Variants in DLC1 observed in about 807,000 individuals in gnomAD.
DLC1 encodes rho GTPase-activating protein 7.
A neutral mutation model predicts 140.3 loss-of-function variants in DLC1; 54 were observed. The ratio of observed to expected loss-of-function variants is 0.38; its 90% CI spans 0.31 to 0.48. DLC1 has a LOEUF of 0.48. Among genes scored for constraint, DLC1 ranks in the 20% least tolerant of loss-of-function variants. The probability of loss-of-function intolerance (pLI) is 0.96; values close to 1 mark genes in which losing one functional copy is unlikely to be tolerated. For synonymous variants in DLC1, 986 were observed against 728.1 expected, an observed-to-expected ratio of 1.35 and a Z score of -5.70; for missense variants, 2,536 against 1,907.0, an observed-to-expected ratio of 1.33 and a Z score of -6.14.
At chr8:13,427,342 C>T (rs956003830) in intron 2 of DLC1, among the ~76,000 whole-genome samples, 1 of 152,146 alleles carries the variant, frequency 6.6e-6, no homozygotes, top group Non-Finnish European at 1.5e-5. Context: ...TGGATGTCTC[C>T]AGGACAGCAG....
At chr8:13,118,765 C>T (rs768821293) in intron 5 of DLC1, among the ~76,000 whole-genome samples, 7 of 151,934 alleles carry the variant, frequency 4.6e-5, no homozygotes, top group Non-Finnish European at 7.4e-5. Context: ...TTTCATTCCC[C>T]GATTCACACC....
rs114610267 is a variant in DLC1 at position 13,434,550 on chromosome 8, T to C, written c.1024-32931A>G. ...AAAGCAAGAGGCACAAAGAAGGATT[T>C]GGCTGGGGACCTAGGTTAAGTGTTG... is the stretch of plus-strand genomic sequence containing the variant. On this transcript the variant is annotated intron_variant, in intron 2 of 17. Transcript: ENST00000276297. Among the ~76,000 whole-genome samples the C allele has an allele frequency of 7.1e-3, 1,088 of 152,272 alleles. 16 individuals are homozygous for C. Among genetic ancestry groups the C allele is most frequent in the African/African-American group, 0.025 (1,021 of 41,546 alleles).
At chr8:13,504,772 T>A (rs1801978472) in intron 1 of DLC1, among the ~76,000 whole-genome samples, 1 of 152,168 alleles carries the variant, frequency 6.6e-6, no homozygotes, top group Non-Finnish European at 1.5e-5. Context: ...TGAAAAGTCT[T>A]ACTTTTTTTT....
At chr8:13,231,802 C>T (rs1364048097) in intron 5 of DLC1, among the ~76,000 whole-genome samples, 1 of 152,200 alleles carries the variant, frequency 6.6e-6, no homozygotes, top group Non-Finnish European at 1.5e-5. Flanking sequence ...TCCTTTTAAA[C>T]AATCTTTAAA....
At chr8:13,564,558 T>C (rs1361092966) in intron 1 of DLC1, among the ~76,000 whole-genome samples, 1 of 152,212 alleles carries the variant, frequency 6.6e-6, no homozygotes, top group Non-Finnish European at 1.5e-5. Context: ...AAGAGGTACC[T>C]GCCAAATGCC....
At chr8:13,216,027 T>C (rs1027744367) in intron 5 of DLC1, among the ~76,000 whole-genome samples, 13 of 152,106 alleles carry the variant, frequency 8.5e-5, no homozygotes, top group Non-Finnish European at 1.8e-4. Context: ...TCTCTCGCAG[T>C]TCCCATCTTT....
chr8:13,137,057 C>T (rs1373120160), intron 5 of DLC1, among the ~76,000 whole-genome samples: 1 of 152,184 alleles, frequency 6.6e-6, no homozygotes, highest in Non-Finnish European at 1.5e-5. Context: ...TTTAAATCAT[C>T]ATCCAAGAGA....
At chr8:13,449,355 C>T (rs1490813476) in intron 2 of DLC1, among the ~76,000 whole-genome samples, 1 of 152,066 alleles carries the variant, frequency 6.6e-6, no homozygotes, top group Non-Finnish European at 1.5e-5. Flanking sequence ...AAGTGTGGGG[C>T]AATATTTCCC....
intron 2 of DLC1, among the ~76,000 whole-genome samples, chr8:13,466,910 A>G (rs1585157428): frequency 6.6e-6 from 1 of 151,494 alleles, no homozygotes; most frequent in East Asian, 2.0e-4. Context: ...AATACATCAA[A>G]TGTCAGAGTC....
At chr8:13,313,511 G>C (rs987443741) in intron 4 of DLC1, among the ~76,000 whole-genome samples, 1 of 152,086 alleles carries the variant, frequency 6.6e-6, no homozygotes, top group African/African-American at 2.4e-5. Context: ...CTACATCCTG[G>C]GGCTATTTGT....
chr8:13,575,617 A>G (rs1804811748), intron 1 of DLC1, among the ~76,000 whole-genome samples: 1 of 152,148 alleles, frequency 6.6e-6, no homozygotes, highest in Non-Finnish European at 1.5e-5. Flanking sequence ...CCTAATTTTT[A>G]TTACAATTTA....
intron 5 of DLC1, among the ~76,000 whole-genome samples, chr8:13,194,121 G>C (rs955083088): frequency 7.2e-5 from 11 of 152,168 alleles, no homozygotes; most frequent in Admixed American, 7.2e-4. Flanking sequence ...ACAGAGAAAT[G>C]AGCACTTAAT....
At chr8:13,334,003 G>T (rs923813735) in intron 4 of DLC1, among the ~76,000 whole-genome samples, 10 of 152,116 alleles carry the variant, frequency 6.6e-5, no homozygotes, top group Non-Finnish European at 1.3e-4. Context: ...ATTGCCTAAC[G>T]ACATGGAAAA....
At chr8:13,284,927 A>T (rs1831488856) in intron 5 of DLC1, among the ~76,000 whole-genome samples, 1 of 152,192 alleles carries the variant, frequency 6.6e-6, no homozygotes, top group East Asian at 1.9e-4. Flanking sequence ...ATTTGAAGAC[A>T]ATATTGCTAG....
At chr8:13,434,335 T>A (rs1839018373) in intron 2 of DLC1, among the ~76,000 whole-genome samples, 2 of 152,224 alleles carry the variant, frequency 1.3e-5, no homozygotes. Context: ...ACCCAAGATG[T>A]CACTGCTCTA....
chr8:13,171,825 G>T (rs1825502192), intron 5 of DLC1, among the ~76,000 whole-genome samples: 1 of 152,196 alleles, frequency 6.6e-6, no homozygotes, highest in African/African-American at 2.4e-5. Flanking sequence ...GGGGACGTCA[G>T]TGTTTCCAGT....
chr8:13,584,724 G>A (rs531102011), intron 1 of DLC1, among the ~76,000 whole-genome samples: 6 of 152,264 alleles, frequency 3.9e-5, no homozygotes, highest in African/African-American at 1.4e-4. Flanking sequence ...ATTGAGATGT[G>A]ATGAGGGAAT....
At chr8:13,263,324 C>T (rs934035279) in intron 5 of DLC1, among the ~76,000 whole-genome samples, 1 of 152,018 alleles carries the variant, frequency 6.6e-6, no homozygotes, top group Non-Finnish European at 1.5e-5. Context: ...GATGGTCGCT[C>T]TTTCCATTTC....
At position 13,366,829 on chromosome 8, in the gene DLC1, A is replaced by C. The variant is rs1314928600; in HGVS notation, c.1314+26724T>G. 1.3e-5 allele frequency among the ~76,000 whole-genome samples: 2 copies of C among 152,078 alleles called. 1 individual carries two copies. Among genetic ancestry groups the C allele is most frequent in the East Asian group, 3.9e-4 (2 of 5,148 alleles). On this transcript the variant is annotated intron_variant, in intron 4 of 17. Coordinates refer to ENST00000276297, the MANE Select transcript of DLC1 (RefSeq NM_182643.3). ...AGGCCACCCAGCTGTACTTTGTTCC[A>C]GAAGCTTTCCCATCAGTCATTCTCC...
Sources: gnomAD v4.1 joint callset for allele counts (sites outside exome capture counted in the v4.1 genomes callset) on GRCh38, gnomAD v4.1.1 for gene constraint, MANE v1.5 for transcripts, NCBI Gene and HGNC (gene_info 2026-07-23, HGNC 2026-07-21) for gene names.